THSD7A: variants seen among roughly 807,000 people sequenced by gnomAD.
THSD7A encodes the protein thrombospondin type 1 domain containing 7A, also known as thrombospondin type-1 domain-containing protein 7A.
Under a neutral mutation model 231.3 loss-of-function variants are expected in THSD7A, and 96 were observed. The observed-to-expected ratio is 0.41, with a 90% CI of 0.35 to 0.49. The LOEUF (loss-of-function observed/expected upper bound fraction) is 0.49. Ranked by LOEUF, THSD7A falls within the 20% of genes least tolerant of loss-of-function variation. The pLI is 0.05. For synonymous variants in THSD7A, 940 were observed against 743.3 expected (o/e 1.26, Z -4.30); for missense variants, 2,290 against 2,070.2 (o/e 1.11, Z -2.06).
chr7:11,688,766 G>C (rs907204151), intron 1 of THSD7A, among the ~76,000 whole-genome samples: 11 of 151,808 alleles, frequency 7.2e-5, no homozygotes, highest in African/African-American at 2.7e-4. Flanking sequence ...TAATGGAGGA[G>C]GAAGGAAACA....
chr7:11,533,574 G>A (rs1405626851), intron 6 of THSD7A, among the ~76,000 whole-genome samples: 1 of 152,192 alleles, frequency 6.6e-6, no homozygotes, highest in Non-Finnish European at 1.5e-5. Flanking sequence ...AAAGGAGTGA[G>A]ATCATGTTGT....
intron 7 of THSD7A, among the ~76,000 whole-genome samples, chr7:11,481,482 C>A (rs1335256353): frequency 6.6e-6 from 1 of 152,020 alleles, no homozygotes; most frequent in Non-Finnish European, 1.5e-5. Context: ...ATTTTGGGAG[C>A]CATTTTCAGA....
At chr7:11,752,146 T>C (rs1280779306) in intron 1 of THSD7A, among the ~76,000 whole-genome samples, 2 of 152,070 alleles carry the variant, frequency 1.3e-5, no homozygotes, top group African/African-American at 4.8e-5. Flanking sequence ...GAGGCACCTA[T>C]GGCCTTGTTT....
chr7:11,714,358 C>G lies in THSD7A; in HGVS notation c.191-77397G>C, dbSNP rs372206952. Reference sequence around the variant, plus strand: ...TGTTTTAAATTTTAAAGTGTGTGCTCTGTGCCAGGCAACAGTCATTATGAA... The same window carrying G: ...TGTTTTAAATTTTAAAGTGTGTGCTGTGTGCCAGGCAACAGTCATTATGAA... On this transcript the variant is annotated intron_variant, in intron 1 of 27. Coordinates refer to ENST00000423059, the MANE Select transcript of THSD7A (RefSeq NM_015204.3). 7.9e-5 allele frequency among the ~76,000 whole-genome samples: 12 copies of G among 151,262 alleles called. No individual in the cohort carries two copies. In the East Asian group the frequency reaches 2.2e-3, roughly 27 times the overall value.
chr7:11,419,321 G>A (rs1280325939), intron 16 of THSD7A, among the ~76,000 whole-genome samples: 1 of 152,160 alleles, frequency 6.6e-6, no homozygotes, highest in African/African-American at 2.4e-5. Context: ...TGTTCCCCTT[G>A]CTGTTCATGA....
chr7:11,782,006 T>C (rs1007995091), intron 1 of THSD7A, among the ~76,000 whole-genome samples: 29 of 152,056 alleles, frequency 1.9e-4, no homozygotes, highest in African/African-American at 6.0e-4. Flanking sequence ...ATTGTACCCC[T>C]CCCCCTAAGT....
chr7:11,687,476 A>G (rs1562477211), intron 1 of THSD7A, among the ~76,000 whole-genome samples: 1 of 151,876 alleles, frequency 6.6e-6, no homozygotes, highest in Admixed American at 6.6e-5. Context: ...TTCTGTGAAT[A>G]TGAGCTCAGA....
At chr7:11,719,526 A>G (rs1445098095) in intron 1 of THSD7A, among the ~76,000 whole-genome samples, 2 of 151,512 alleles carry the variant, frequency 1.3e-5, no homozygotes, top group Non-Finnish European at 3.0e-5. Context: ...TTTCACTGAT[A>G]TCCTGTCATT....
At chr7:11,765,246 T>G (rs921840607) in intron 1 of THSD7A, among the ~76,000 whole-genome samples, 4 of 152,234 alleles carry the variant, frequency 2.6e-5, no homozygotes, top group African/African-American at 7.2e-5. Context: ...ATGCTGTTGC[T>G]CATACATACA....
chr7:11,717,995 C>A (rs1781201030), intron 1 of THSD7A, among the ~76,000 whole-genome samples: 1 of 151,508 alleles, frequency 6.6e-6, no homozygotes, highest in Non-Finnish European at 1.5e-5. Flanking sequence ...AAGTGAATGA[C>A]CCTTCTCAAA....
intron 1 of THSD7A, among the ~76,000 whole-genome samples, chr7:11,779,081 A>C (rs1237404332): frequency 6.6e-6 from 1 of 152,190 alleles, no homozygotes; most frequent in African/African-American, 2.4e-5. Flanking sequence ...AATTAGAATA[A>C]GTGAAATTAA....
At chr7:11,651,352 A>C (rs1027198728) in intron 1 of THSD7A, among the ~76,000 whole-genome samples, 1 of 152,018 alleles carries the variant, frequency 6.6e-6, no homozygotes, top group African/African-American at 2.4e-5. Flanking sequence ...AATTCTAGAA[A>C]TGGATAGTGG....
rs780921675 is a variant in THSD7A, at chr7:11,474,410, C to T, written c.2176G>A (p.Ala726Thr). 12 of 1,613,488 alleles carry T rather than the reference C, an allele frequency of 7.4e-6. No homozygotes were observed. In the South Asian group the frequency reaches 1.2e-4, roughly 16 times the overall value. ...GTCTGCATGCCGACAGAGCAGGAGG[C>T]CTCCCCATTCCAAGTCGTAGTTGTG... is the stretch of plus-strand genomic sequence containing the variant. ...FNTTTTWNGEASCSVGMQTRK... is the reference protein window; with the variant it reads ...FNTTTTWNGETSCSVGMQTRK... Residue 726 changes from alanine (A) to threonine (T), a missense_variant, in exon 8 of 28, where the codon GCC becomes ACC. Physicochemically the swap from Ala to Thr is moderately conservative, Grantham distance 58. Transcript: ENST00000423059. This position sits in a 1 kb window ranked among gnomAD's most constrained non-coding sequence, Gnocchi z 4.1.
intron 6 of THSD7A, among the ~76,000 whole-genome samples, chr7:11,516,415 G>C (rs916681060): frequency 7.4e-4 from 112 of 152,162 alleles, no homozygotes; most frequent in Non-Finnish European, 1.0e-3. Context: ...ACCTACTACT[G>C]ATCAGCTAGC....
intron 6 of THSD7A, among the ~76,000 whole-genome samples, chr7:11,506,962 C>T (rs1047507892): frequency 2.2e-4 from 33 of 152,116 alleles, no homozygotes; most frequent in African/African-American, 4.8e-4. Flanking sequence ...TGTCTCTTCT[C>T]CCTACAATGT....
chr7:11,384,654 A>C (rs1782658691), intron 23 of THSD7A: 1 of 152,008 alleles, frequency 6.6e-6, no homozygotes, highest in African/African-American at 2.4e-5. Flanking sequence ...CTACATAAGA[A>C]TTTGTCGTGG....
At chr7:11,760,020 G>A (rs1328488593) in intron 1 of THSD7A, among the ~76,000 whole-genome samples, 1 of 151,988 alleles carries the variant, frequency 6.6e-6, no homozygotes, top group African/African-American at 2.4e-5. Context: ...AACAAAATAT[G>A]AGAAGCAATA....
In THSD7A at chr7:11,406,486, G is replaced by A. The variant is rs745544036; in HGVS notation, c.4063-12C>T. On this transcript the variant is annotated splice_polypyrimidine_tract_variant and intron_variant, in intron 21 of 27. Coordinates refer to ENST00000423059, the MANE Select transcript of THSD7A (RefSeq NM_015204.3). This position sits in a 1 kb window ranked among gnomAD's most constrained non-coding sequence, Gnocchi z 4.7. ...CCACACTGGGCCTCCTGGAATGGAG[G>A]AAGAAATAACTAATTAGAAAAAGAG... The A allele has an allele frequency of 6.3e-7, 1 of 1,599,206 alleles. No individual in the cohort carries two copies. The highest frequency in any genetic ancestry group is 1.4e-5 in the African/African-American group (1 of 74,070).
intron 6 of THSD7A, among the ~76,000 whole-genome samples, chr7:11,494,291 T>G (rs1011471966): frequency 1.3e-5 from 2 of 151,966 alleles, no homozygotes; most frequent in Admixed American, 1.3e-4. Context: ...ATACTATAAA[T>G]AAAACCTCTG....
Sources: gnomAD v4.1 joint callset for allele counts (sites outside exome capture counted in the v4.1 genomes callset) on GRCh38, gnomAD v4.1.1 for gene constraint, Gnocchi (gnomAD v3.1) non-coding constraint, MANE v1.5 for transcripts, NCBI Gene and HGNC (gene_info 2026-07-23, HGNC 2026-07-21) for gene names.